MYO5A: variants seen among roughly 807,000 people sequenced by gnomAD.
MYO5A encodes the protein myosin VA.
Under a neutral mutation model 249.7 loss-of-function variants are expected in MYO5A, and 98 were observed. The ratio of observed to expected loss-of-function variants is 0.39; its 90% CI spans 0.33 to 0.46. MYO5A has a LOEUF of 0.46. Among genes scored for constraint, MYO5A ranks in the 20% least tolerant of loss-of-function variants. The probability of loss-of-function intolerance (pLI) is 0.98; values close to 1 mark genes in which losing one functional copy is unlikely to be tolerated. For missense variants in MYO5A, 1,696 were observed against 2,308.8 expected (o/e 0.73, Z 5.44); for synonymous variants, 778 against 810.6 (o/e 0.96, Z 0.68).
intron 1 of MYO5A, among the ~76,000 whole-genome samples, chr15:52,484,591 G>T (rs909933586): frequency 6.6e-6 from 1 of 152,120 alleles, no homozygotes; most frequent in Non-Finnish European, 1.5e-5. Context: ...TTGGTAGAAA[G>T]AATCAAAAAT....
In MYO5A at chr15:52,397,251, G is replaced by A; in HGVS notation, c.1269C>T (p.Leu423=). The change falls in exon 10 of 42, where the codon CTC becomes CTT. Residue 423 remains leucine, a synonymous_variant. Coordinates refer to ENST00000399233, the MANE Select transcript of MYO5A (RefSeq NM_001382347.1). ...AAGAGTGCTGTTTGACAGCAGAATG[G>A]AGAGCCTGATTGACATTATCTACAA... ...NWIVDNVNQA[L]HSAVKQHSFI... is the part of the protein sequence containing the mutation. 1 of 1,614,102 alleles carries A rather than the reference G, an allele frequency of 6.2e-7. No individual in the cohort carries two copies. The highest frequency in any genetic ancestry group is 8.5e-7 in the Non-Finnish European group (1 of 1,179,988).
At chr15:52,473,426 T>C (rs2076520575) in intron 1 of MYO5A, among the ~76,000 whole-genome samples, 2 of 152,244 alleles carry the variant, frequency 1.3e-5, no homozygotes, top group South Asian at 2.1e-4. Flanking sequence ...ATTTTGGCTT[T>C]TGTTGCCATT....
chr15:52,327,674 T>C lies in MYO5A; in HGVS notation c.4710+178A>G, dbSNP rs1377079140. Among the ~76,000 whole-genome samples the C allele has an allele frequency of 2.0e-5, 3 of 152,324 alleles. No homozygotes were observed. In the East Asian group the frequency reaches 5.8e-4, roughly 29 times the overall value. On this transcript the variant is annotated intron_variant, in intron 36 of 41. Transcript: ENST00000399233. The stretch of plus-strand genomic sequence containing the variant: ...GCAGTCAGCTGAGATTGCACTACTG[T>C]ACTTCAGCCTAGGTGACACAGCAAA...
At chr15:52,463,342 TC>T (rs2076290593) in intron 1 of MYO5A, among the ~76,000 whole-genome samples, 1 of 152,190 alleles carries the variant, frequency 6.6e-6, no homozygotes, top group Admixed American at 6.5e-5. Flanking sequence ...GGATATTATT[TC>T]CTTTACCCCT....
At position 52,370,774 on chromosome 15, in the gene MYO5A, C is replaced by T. The variant is rs376078663; in HGVS notation, c.2818-357G>A. ...AACAGATCAAAATGTTGCTAAAAACCATTTACTAGCTTAGTGATGCGTACG... is the reference window on the plus strand; with the variant it reads ...AACAGATCAAAATGTTGCTAAAAACTATTTACTAGCTTAGTGATGCGTACG... On this transcript the variant is annotated intron_variant, in intron 21 of 41. Coordinates refer to ENST00000399233, the MANE Select transcript of MYO5A (RefSeq NM_001382347.1). Among the ~76,000 whole-genome samples the T allele has an allele frequency of 3.9e-5, 6 of 152,144 alleles. No individual in the cohort carries two copies. In the East Asian group the frequency reaches 7.7e-4, roughly 20 times the overall value.
intron 27 of MYO5A, among the ~76,000 whole-genome samples, chr15:52,352,643 C>T (rs957441075): frequency 1.3e-5 from 2 of 151,934 alleles, no homozygotes; most frequent in Admixed American, 6.6e-5. Flanking sequence ...ATCAGCCGGG[C>T]GTGGTGGCGG....
intron 4 of MYO5A, among the ~76,000 whole-genome samples, chr15:52,417,230 C>G (rs1172954685): frequency 6.6e-6 from 1 of 152,168 alleles, no homozygotes; most frequent in East Asian, 1.9e-4. Flanking sequence ...AAATCTCAAA[C>G]ATATTATTTT....
At chr15:52,451,991 T>C (rs961984618) in intron 1 of MYO5A, among the ~76,000 whole-genome samples, 4 of 152,194 alleles carry the variant, frequency 2.6e-5, no homozygotes, top group African/African-American at 9.7e-5. Context: ...AATAAATGTA[T>C]ATTTCATTAA....
At chr15:52,522,204 G>A (rs2077636625) in intron 1 of MYO5A, among the ~76,000 whole-genome samples, 1 of 152,186 alleles carries the variant, frequency 6.6e-6, no homozygotes, top group South Asian at 2.1e-4. Flanking sequence ...GGGAAGATAA[G>A]AGACAAAGCA....
At chr15:52,373,862 T>G (rs900233314) in intron 20 of MYO5A, among the ~76,000 whole-genome samples, 1 of 152,192 alleles carries the variant, frequency 6.6e-6, no homozygotes, top group Admixed American at 6.6e-5. Context: ...CAGAAAGATC[T>G]GGAGTAGCTA....
At chr15:52,444,510 C>A (rs1172798368) in intron 1 of MYO5A, among the ~76,000 whole-genome samples, 1 of 152,046 alleles carries the variant, frequency 6.6e-6, no homozygotes, top group Non-Finnish European at 1.5e-5. Context: ...AGATAACTTG[C>A]CCCAAAGTCA....
chr15:52,465,776 C>T (rs1232025302), intron 1 of MYO5A, among the ~76,000 whole-genome samples: 2 of 152,110 alleles, frequency 1.3e-5, no homozygotes, highest in Non-Finnish European at 2.9e-5. Flanking sequence ...GCTTTTCTAG[C>T]ACACTTCATA....
At chr15:52,410,862 C>T (rs2043217699) in intron 5 of MYO5A, among the ~76,000 whole-genome samples, 1 of 152,200 alleles carries the variant, frequency 6.6e-6, no homozygotes, top group Admixed American at 6.5e-5. Flanking sequence ...AGGCGTGAGC[C>T]ACCACACCTG....
chr15:52,354,660 C>A (rs1393879591), intron 25 of MYO5A, among the ~76,000 whole-genome samples: 1 of 152,094 alleles, frequency 6.6e-6, no homozygotes, highest in Non-Finnish European at 1.5e-5. Context: ...TCAAGACCAG[C>A]CTGACCAACA....
chr15:52,462,775 G>C (rs1460496548), intron 1 of MYO5A, among the ~76,000 whole-genome samples: 3 of 151,932 alleles, frequency 2.0e-5, no homozygotes, highest in African/African-American at 7.3e-5. Context: ...TTGAACCCTG[G>C]AGGTGGAGGT....
In MYO5A at chr15:52,383,147, G is replaced by A; in HGVS notation, c.1956C>T (p.Ala652=). 1 of 1,614,074 alleles carries A rather than the reference G, an allele frequency of 6.2e-7. No homozygotes were observed. Among genetic ancestry groups the A allele is most frequent in the East Asian group, 2.2e-5 (1 of 44,878 alleles). ...TACAGCGCACATAGTGAGGGGTAGT[G>A]GCATTGAGTGTCTCCATAAGCAGGT... The part of the protein sequence containing the change: ...SLHLLMETLN[A]TTPHYVRCIK... The change falls in exon 16 of 42, where the codon GCC becomes GCT. Residue 652 remains alanine, a synonymous_variant. Transcript: ENST00000399233.
At chr15:52,442,824 C>T (rs572228442) in intron 1 of MYO5A, among the ~76,000 whole-genome samples, 83 of 149,650 alleles carry the variant, frequency 5.5e-4, no homozygotes, top group Non-Finnish European at 1.1e-3. Context: ...GGCACGATCT[C>T]GGCTCACTGC....
intron 25 of MYO5A, among the ~76,000 whole-genome samples, chr15:52,359,087 T>C (rs1315902584): frequency 4.6e-5 from 7 of 152,208 alleles, no homozygotes; most frequent in Admixed American, 4.6e-4. Context: ...TATGTATGAT[T>C]CCAATGATAT....
At chr15:52,471,076 T>C (rs1026098607) in intron 1 of MYO5A, among the ~76,000 whole-genome samples, 2 of 151,918 alleles carry the variant, frequency 1.3e-5, no homozygotes, top group South Asian at 2.1e-4. Flanking sequence ...CAGACCTTCT[T>C]GGGGTCCACT....
Sources: allele counts gnomAD v4.1 joint callset (sites outside exome capture counted in the v4.1 genomes callset), GRCh38; gene constraint gnomAD v4.1.1; transcripts MANE v1.5; gene names NCBI Gene and HGNC (gene_info 2026-07-23, HGNC 2026-07-21).